Variants in UPP2 observed in about 807,000 individuals in gnomAD.
The protein encoded by UPP2 is uridine phosphorylase 2.
UPP2 carries 23 observed loss-of-function variants against 26.7 expected under a neutral mutation model. The observed-to-expected ratio is 0.86, with a 90% confidence interval of 0.62 to 1.22. UPP2 has a LOEUF of 1.22. Among genes scored for constraint, UPP2 ranks in the 50% most tolerant of loss-of-function variants. The probability of loss-of-function intolerance (pLI) is 0.00; values close to 1 mark genes in which losing one functional copy is unlikely to be tolerated. For synonymous variants in UPP2, 127 were observed against 141.3 expected (o/e 0.90, Z 0.72); for missense variants, 387 against 396.7 (o/e 0.98, Z 0.21).
At chr2:158,100,030 G>A (rs1683048981), upstream of UPP2, among the ~76,000 whole-genome samples, 1 of 152,150 alleles carries the variant, frequency 6.6e-6, no homozygotes, top group Non-Finnish European at 1.5e-5. Context: ...TGCTCTTCAG[G>A]TGACTGGCCT....
In UPP2 at chr2:158,131,962, C is replaced by T. The variant is rs141242150; in HGVS notation, c.812-2786C>T. On this transcript the variant is annotated intron_variant, in intron 6 of 6. Coordinates refer to ENST00000005756, the MANE Select transcript of UPP2 (RefSeq NM_173355.4). ...ATCCAGAAAAGACATTTAGTAAAGT[C>T]GGTTCCCACTCTGTAAAAAGTATAG... 6.6e-4 allele frequency among the ~76,000 whole-genome samples: 100 copies of T among 152,272 alleles called. 2 individuals are homozygous for T. Among genetic ancestry groups the T allele is most frequent in the African/African-American group, 2.1e-3 (89 of 41,552 alleles).
At chr2:158,067,817 A>G (rs1471940299) in intron 3 of UPP2, among the ~76,000 whole-genome samples, 2 of 152,170 alleles carry the variant, frequency 1.3e-5, no homozygotes, top group Non-Finnish European at 2.9e-5. Context: ...AATGTTTTCA[A>G]TTTATTTTTC....
intron 5 of UPP2, among the ~76,000 whole-genome samples, chr2:158,123,144 C>T (rs970051406): frequency 1.3e-5 from 2 of 152,132 alleles, no homozygotes; most frequent in African/African-American, 4.8e-5. Context: ...CCTTTCCTTG[C>T]TTCTGTCCGC....
At chr2:158,059,024 G>C (rs1269544719) in intron 3 of UPP2, among the ~76,000 whole-genome samples, 1 of 152,172 alleles carries the variant, frequency 6.6e-6, no homozygotes, top group Non-Finnish European at 1.5e-5. Flanking sequence ...AGGTCCCAGA[G>C]TCAGCTGAGG....
chr2:158,022,800 C>T (rs889364046), intron 3 of UPP2, among the ~76,000 whole-genome samples: 8 of 152,202 alleles, frequency 5.3e-5, no homozygotes, highest in African/African-American at 1.9e-4. Context: ...TATTTATCCA[C>T]TCATTCTTTC....
chr2:158,069,996 A>C (rs1310494546), intron 3 of UPP2, among the ~76,000 whole-genome samples: 1 of 151,906 alleles, frequency 6.6e-6, no homozygotes, highest in African/African-American at 2.4e-5. Context: ...CTCTGACCTA[A>C]TCACCCCCCA....
intron 3 of UPP2, among the ~76,000 whole-genome samples, chr2:158,091,235 C>A (rs191151945): frequency 6.6e-6 from 1 of 152,094 alleles, no homozygotes; most frequent in Non-Finnish European, 1.5e-5. Context: ...TTTCTGTGTA[C>A]TGGATTCCCA....
chr2:158,075,983 A>T (rs189696642), intron 3 of UPP2, among the ~76,000 whole-genome samples: 267 of 152,138 alleles, frequency 1.8e-3, no homozygotes, highest in African/African-American at 3.8e-3. Context: ...TCAGATATGA[A>T]AAAGGAGACA....
At chr2:157,998,719 C>T (rs2105460828) in intron 2 of UPP2, among the ~76,000 whole-genome samples, 1 of 152,328 alleles carries the variant, frequency 6.6e-6, no homozygotes, top group African/African-American at 2.4e-5. Context: ...AGGAGAATCA[C>T]TTGAACCCAG....
chr2:157,997,244 C>G (rs1683336152), intron 2 of UPP2, among the ~76,000 whole-genome samples: 1 of 151,956 alleles, frequency 6.6e-6, no homozygotes, highest in Admixed American at 6.6e-5. Context: ...TTTGGACCTC[C>G]TATTTTTTTT....
chr2:158,034,103 G>C (rs1683965461), intron 3 of UPP2, among the ~76,000 whole-genome samples: 1 of 151,596 alleles, frequency 6.6e-6, no homozygotes, highest in East Asian at 1.9e-4. Context: ...TGTATGTTCA[G>C]TCTCTCCAGG....
At chr2:158,090,823 G>A (rs1682900264) in intron 3 of UPP2, among the ~76,000 whole-genome samples, 1 of 152,270 alleles carries the variant, frequency 6.6e-6, no homozygotes, top group Middle Eastern at 3.4e-3. Flanking sequence ...CTGAGGCCCA[G>A]AGAGGATCAA....
chr2:158,076,171 T>G (rs1005680626), intron 3 of UPP2, among the ~76,000 whole-genome samples: 5 of 151,836 alleles, frequency 3.3e-5, no homozygotes, highest in African/African-American at 1.2e-4. Context: ...AGATCGAAGT[T>G]GTAATACAAA....
intron 3 of UPP2, among the ~76,000 whole-genome samples, chr2:158,042,095 C>G (rs1262907035): frequency 6.6e-6 from 1 of 152,152 alleles, no homozygotes; most frequent in Non-Finnish European, 1.5e-5. Flanking sequence ...TCTTTGCAGA[C>G]CAGGGGCCAG....
chr2:158,111,828 T>C (rs1683325650), intron 2 of UPP2, among the ~76,000 whole-genome samples: 1 of 152,192 alleles, frequency 6.6e-6, no homozygotes, highest in East Asian at 1.9e-4. Context: ...AAAAATCTAC[T>C]TTTAATCAAT....
intron 3 of UPP2, among the ~76,000 whole-genome samples, chr2:158,068,227 C>G (rs909965713): frequency 3.3e-5 from 5 of 152,076 alleles, no homozygotes; most frequent in Admixed American, 6.5e-5. Context: ...ATAGGAGAAT[C>G]AATTAAATTG....
intron 3 of UPP2, among the ~76,000 whole-genome samples, chr2:158,037,267 C>T (rs772378524): frequency 9.2e-5 from 14 of 151,686 alleles, no homozygotes; most frequent in Non-Finnish European, 1.5e-4. Flanking sequence ...CCCAGGTGCT[C>T]GGGAGGCTGA....
chr2:158,093,207 C>T (rs1429985561), intron 3 of UPP2, among the ~76,000 whole-genome samples: 4 of 151,532 alleles, frequency 2.6e-5, no homozygotes, highest in Non-Finnish European at 4.4e-5. Flanking sequence ...AGGCGTGAGC[C>T]ATTGCGCCCA....
At chr2:158,087,250 T>G (rs1479169487) in intron 3 of UPP2, among the ~76,000 whole-genome samples, 2 of 152,214 alleles carry the variant, frequency 1.3e-5, no homozygotes, top group Admixed American at 6.5e-5. Flanking sequence ...TGTCCCTCTT[T>G]GGCATTTTTA....
Sources: allele counts gnomAD v4.1 joint callset (sites outside exome capture counted in the v4.1 genomes callset), GRCh38; gene constraint gnomAD v4.1.1; transcripts MANE v1.5; gene names NCBI Gene and HGNC (gene_info 2026-07-23, HGNC 2026-07-21).